Variants in SLC4A8 observed in about 807,000 individuals in gnomAD.
SLC4A8 encodes the protein solute carrier family 4 member 8, also known as electroneutral sodium bicarbonate exchanger 1.
A neutral mutation model predicts 125.0 loss-of-function variants in SLC4A8; 40 were observed. The ratio of observed to expected loss-of-function variants is 0.32; its 90% CI spans 0.25 to 0.42. SLC4A8 has a LOEUF of 0.42. Ranked by LOEUF, SLC4A8 falls within the 10% of genes least tolerant of loss-of-function variation. The pLI, the probability that SLC4A8 is intolerant of heterozygous loss-of-function variation, is 1.00. For missense variants in SLC4A8, 863 were observed against 1,355.1 expected (o/e 0.64, Z 5.70); for synonymous variants, 456 against 476.0 (o/e 0.96, Z 0.55).
rs182008242 is a variant in SLC4A8 at position 51,490,352 on chromosome 12, G to A, written c.2700+401G>A. Among the ~76,000 whole-genome samples the A allele has an allele frequency of 2.6e-5, 4 of 151,974 alleles. No homozygotes were observed. In the East Asian group the frequency reaches 5.8e-4, roughly 22 times the overall value. On this transcript the variant is annotated intron_variant, in intron 19 of 24. Coordinates refer to ENST00000453097, the MANE Select transcript of SLC4A8 (RefSeq NM_001039960.3). ...GGGTGGATCATGAGGTTCGGAGATCGAGACCATCCTGGCTAACACAGTGAA... is the reference window on the plus strand; with the variant it reads ...GGGTGGATCATGAGGTTCGGAGATCAAGACCATCCTGGCTAACACAGTGAA...
chr12:51,487,454 A>G (rs977709779), intron 17 of SLC4A8, among the ~76,000 whole-genome samples: 4 of 152,372 alleles, frequency 2.6e-5, no homozygotes, highest in Non-Finnish European at 5.9e-5. Context: ...GTTATTAAAG[A>G]GTATTTGAAT....
intron 1 of SLC4A8, among the ~76,000 whole-genome samples, chr12:51,418,329 A>AT (rs1948725884): frequency 6.6e-6 from 1 of 152,140 alleles, no homozygotes; most frequent in Admixed American, 6.5e-5. Flanking sequence ...ATTGTGTTGG[A>AT]TAGGAACTGG....
At chr12:51,482,479 A>T (rs1951056407) in intron 16 of SLC4A8, among the ~76,000 whole-genome samples, 2 of 152,070 alleles carry the variant, frequency 1.3e-5, no homozygotes, top group Non-Finnish European at 1.5e-5. Context: ...CCTTGGGTTC[A>T]AGTGATTCTC....
chr12:51,420,071 A>G (rs915221056), upstream of SLC4A8: 2 of 152,192 alleles, frequency 1.3e-5, no homozygotes, highest in African/African-American at 4.8e-5. Flanking sequence ...TCAGCTTGAC[A>G]AAGAATCTCT....
In SLC4A8 at chr12:51,452,180, G is replaced by A. The variant is rs774448755; in HGVS notation, c.334G>A (p.Val112Met). 6.2e-7 allele frequency: 1 copy of A among 1,614,062 alleles called. No homozygotes were observed. Among genetic ancestry groups the A allele is most frequent in the Non-Finnish European group, 8.5e-7 (1 of 1,179,880 alleles). Residue 112 changes from valine to methionine, a missense_variant, in exon 4 of 25, where the codon GTG becomes ATG. Physicochemically the swap from Val to Met is conservative, Grantham distance 21 (BLOSUM62 1). This residue lies in a region of SLC4A8 where 390 missense variants were observed against 634.4 expected (regional missense o/e 0.61). Coordinates refer to ENST00000453097, the MANE Select transcript of SLC4A8 (RefSeq NM_001039960.3). ...ILGTEEDEEH[V>M]PHELFTELDE... ...TGGCACCGAGGAAGATGAAGAGCAT[G>A]TGCCTCATGAGCTGTTTACAGAGCT...
chr12:51,424,159 A>G (rs1350606505), upstream of SLC4A8, among the ~76,000 whole-genome samples: 1 of 151,904 alleles, frequency 6.6e-6, no homozygotes, highest in Non-Finnish European at 1.5e-5. Flanking sequence ...TTTCTTATAA[A>G]TCCAAATCAA....
intron 1 of SLC4A8, among the ~76,000 whole-genome samples, chr12:51,396,691 A>G (rs535767022): frequency 6.6e-6 from 1 of 151,988 alleles, no homozygotes; most frequent in East Asian, 1.9e-4. Context: ...TAAAAAAAAA[A>G]AAAAGACTAG....
At chr12:51,502,683 A>C (rs1294140124) in intron 22 of SLC4A8, among the ~76,000 whole-genome samples, 1 of 152,022 alleles carries the variant, frequency 6.6e-6, no homozygotes, top group Admixed American at 6.6e-5. Context: ...TACTATTATT[A>C]AAAAATCAAA....
chr12:51,485,578 G>T (rs766873490), intron 16 of SLC4A8, among the ~76,000 whole-genome samples: 11 of 152,202 alleles, frequency 7.2e-5, no homozygotes, highest in Non-Finnish European at 1.3e-4. Flanking sequence ...GTTAGCATTT[G>T]TCAGAGGGTT....
intron 1 of SLC4A8, among the ~76,000 whole-genome samples, chr12:51,402,850 G>A (rs1948417915): frequency 6.6e-6 from 1 of 152,190 alleles, no homozygotes; most frequent in Admixed American, 6.5e-5. Flanking sequence ...GCAAAGACGG[G>A]TGTCTTCTGG....
chr12:51,474,500 G>A, intron 15 of SLC4A8, 53 bp downstream of exon 15: 1 of 1,571,254 alleles, frequency 6.4e-7, no homozygotes, highest in Non-Finnish European at 8.7e-7. Context: ...GGTTTAGGAG[G>A]GACTTCTAAG....
chr12:51,476,271 C>T (rs933573172), intron 16 of SLC4A8, among the ~76,000 whole-genome samples: 3 of 152,154 alleles, frequency 2.0e-5, no homozygotes, highest in African/African-American at 4.8e-5. Flanking sequence ...CATCTGAGGT[C>T]AGGAGTTTGA....
At chr12:51,426,644 A>T (rs181975811) in intron 1 of SLC4A8, among the ~76,000 whole-genome samples, 36 of 152,186 alleles carry the variant, frequency 2.4e-4, no homozygotes, top group African/African-American at 8.2e-4. Flanking sequence ...TACACAAAAG[A>T]CCTGTGGCAG....
chr12:51,458,284 G>A (rs1950218586), intron 6 of SLC4A8, among the ~76,000 whole-genome samples: 1 of 152,184 alleles, frequency 6.6e-6, no homozygotes, highest in Admixed American at 6.5e-5. Flanking sequence ...TCATATGCAT[G>A]TCTGGTGAAG....
rs1938406063 is a variant in SLC4A8, at chr12:51,512,653, G to A, written c.*5215G>A. 1 of 152,392 alleles carries A rather than the reference G, an allele frequency of 6.6e-6. No individual in the cohort carries two copies. The allele number at this position is 152,392 out of a possible 1,614,324, so 9.4% of individuals were successfully genotyped here. A position where few individuals can be genotyped will look rare whatever the true frequency, so the allele number is the denominator to read the frequency against. ...CAGCAGTGTGTGTGTGGGTGTGGGT[G>A]TGTGTGCATGCGTGTGCATTTGCAT... On this transcript the variant is annotated 3_prime_UTR_variant, in exon 25 of 25. Transcript: ENST00000453097.
chr12:51,451,979 C>A (rs1204438158), intron 3 of SLC4A8, 145 bp from the exon 4 acceptor site: 2 of 785,202 alleles, frequency 2.5e-6, no homozygotes, highest in African/African-American at 1.7e-5. Context: ...TACAGAGTAG[C>A]TTTTTCTCTG....
intron 1 of SLC4A8, among the ~76,000 whole-genome samples, chr12:51,437,848 C>T (rs1949469449): frequency 6.6e-6 from 1 of 152,138 alleles, no homozygotes; most frequent in Admixed American, 6.5e-5. Context: ...CGGGATCAGT[C>T]AGCTTGGCTG....
At chr12:51,497,162 C>A in intron 22 of SLC4A8, 38 bp downstream of exon 22, 1 of 1,580,622 alleles carries the variant, frequency 6.3e-7, no homozygotes, top group Non-Finnish European at 8.6e-7. Flanking sequence ...CTGGGGGCCT[C>A]AAATTACAGA....
At chr12:51,452,779 T>C (rs1950008484) in intron 4 of SLC4A8, among the ~76,000 whole-genome samples, 1 of 152,188 alleles carries the variant, frequency 6.6e-6, no homozygotes, top group East Asian at 1.9e-4. Context: ...GAAGTGGTTG[T>C]AGAATAATTA....
Sources: allele counts gnomAD v4.1 joint callset (sites outside exome capture counted in the v4.1 genomes callset), GRCh38; gene constraint gnomAD v4.1.1; regional missense constraint gnomAD v4.1.1; transcripts MANE v1.5; gene names NCBI Gene and HGNC (gene_info 2026-07-23, HGNC 2026-07-21).